The following TNFAIP8 variants were observed in gnomAD, a reference collection of about 807,000 sequenced individuals.
TNFAIP8 encodes tumor necrosis factor alpha-induced protein 8.
Under a neutral mutation model 13.3 loss-of-function variants are expected in TNFAIP8, and 7 were observed. The observed-to-expected ratio is 0.52, with a 90% CI of 0.30 to 0.99. The LOEUF is 0.99. Among genes scored for constraint, TNFAIP8 ranks in the 50% least tolerant of loss-of-function variants. TNFAIP8 has a pLI of 0.07. For missense variants in TNFAIP8, 258 were observed against 236.9 expected, an observed-to-expected ratio of 1.09 and a Z score of -0.58; for synonymous variants, 94 against 87.6, an observed-to-expected ratio of 1.07 and a Z score of -0.41.
chr5:119,392,620 G>A (rs1428157082), intron 1 of TNFAIP8, among the ~76,000 whole-genome samples, 196 bp from the exon 2 acceptor site: 1 of 152,068 alleles, frequency 6.6e-6, no homozygotes, highest in South Asian at 2.1e-4. Context: ...CCAAAGTGTT[G>A]GGATTACAGG....
chr5:119,326,068 C>A (rs996971438), intron 1 of TNFAIP8, among the ~76,000 whole-genome samples: 3 of 152,202 alleles, frequency 2.0e-5, no homozygotes, highest in Non-Finnish European at 4.4e-5. Context: ...ACAGGCAACC[C>A]CTTATGTTTC....
chr5:119,392,749 T>C, intron 1 of TNFAIP8, 67 bp from the exon 2 acceptor site: 1 of 1,452,940 alleles, frequency 6.9e-7, no homozygotes, highest in South Asian at 1.5e-5. Context: ...AATACCTGTT[T>C]TTAGTTCGCT....
intron 1 of TNFAIP8, chr5:119,316,198 C>T (rs368558368): frequency 6.4e-5 from 9 of 141,410 alleles, no homozygotes; most frequent in Admixed American, 6.0e-4. Flanking sequence ...CTTCCTGTGT[C>T]ACCCAGGCTG....
intron 1 of TNFAIP8, among the ~76,000 whole-genome samples, chr5:119,328,265 G>A (rs1432636353): frequency 2.6e-5 from 4 of 151,802 alleles, no homozygotes; most frequent in South Asian, 2.1e-4. Flanking sequence ...GAGACAACTC[G>A]GCCTCCCAAA....
chr5:119,391,547 G>C, intron 1 of TNFAIP8: 4 of 621,192 alleles, frequency 6.4e-6, no homozygotes, highest in Middle Eastern at 2.6e-4. Context: ...ATCACCTGAG[G>C]CCAGGAGTTC....
At chr5:119,271,687 G>T (rs1402434787) in intron 1 of TNFAIP8, among the ~76,000 whole-genome samples, 1 of 152,184 alleles carries the variant, frequency 6.6e-6, no homozygotes, top group Admixed American at 6.5e-5. Context: ...GGCCAATCTG[G>T]ATAACAAAGT....
intron 1 of TNFAIP8, among the ~76,000 whole-genome samples, chr5:119,328,450 G>A (rs995096355): frequency 1.4e-4 from 21 of 152,230 alleles, no homozygotes; most frequent in Non-Finnish European, 2.9e-4. Flanking sequence ...GCATTCTCTG[G>A]ATTGTTGTCT....
At chr5:119,311,853 G>A (rs1201038038) in intron 1 of TNFAIP8, among the ~76,000 whole-genome samples, 1 of 152,142 alleles carries the variant, frequency 6.6e-6, no homozygotes, top group Non-Finnish European at 1.5e-5. Flanking sequence ...TAGAGTTTGA[G>A]TGTTAAGCAG....
At chr5:119,299,549 G>A (rs1749292246) in intron 1 of TNFAIP8, among the ~76,000 whole-genome samples, 1 of 152,184 alleles carries the variant, frequency 6.6e-6, no homozygotes, top group Admixed American at 6.5e-5. Context: ...GGCTGCTTGG[G>A]GGTCAGGGGT....
chr5:119,331,949 G>A (rs1388067715), intron 1 of TNFAIP8, among the ~76,000 whole-genome samples: 1 of 152,194 alleles, frequency 6.6e-6, no homozygotes, highest in Non-Finnish European at 1.5e-5. Context: ...TGCACTTCCA[G>A]GAAGAGCTTT....
At chr5:119,298,453 G>T (rs1305309962) in intron 1 of TNFAIP8, among the ~76,000 whole-genome samples, 2 of 151,776 alleles carry the variant, frequency 1.3e-5, no homozygotes, top group African/African-American at 4.9e-5. Flanking sequence ...CTTCTGGCTT[G>T]TAGAGTTTCT....
intron 1 of TNFAIP8, among the ~76,000 whole-genome samples, chr5:119,377,566 T>C (rs1752331007): frequency 6.6e-6 from 1 of 152,140 alleles, no homozygotes; most frequent in Non-Finnish European, 1.5e-5. Context: ...TTGTCAAATT[T>C]ACCACCGCTC....
At chr5:119,384,318 C>T (rs1292332495) in intron 1 of TNFAIP8, among the ~76,000 whole-genome samples, 1 of 152,102 alleles carries the variant, frequency 6.6e-6, no homozygotes, top group Non-Finnish European at 1.5e-5. Context: ...AACCCCTTCT[C>T]TACTAAAAAT....
intron 1 of TNFAIP8, among the ~76,000 whole-genome samples, chr5:119,324,298 AAAAAAAAAAAAAAAAAG>A (rs1750149792): frequency 3.0e-5 from 3 of 101,030 alleles, no homozygotes; most frequent in African/African-American, 1.4e-4. Context: ...AAAAAAAAAA[AAAAAAAAAAAAAAAAAG>A]AAGAAGTTCC....
intron 1 of TNFAIP8, among the ~76,000 whole-genome samples, chr5:119,309,982 A>T (rs1308590731): frequency 6.6e-6 from 1 of 152,224 alleles, no homozygotes; most frequent in East Asian, 1.9e-4. Flanking sequence ...GTGGAGGGCC[A>T]ACTGGGATGA....
intron 1 of TNFAIP8, among the ~76,000 whole-genome samples, chr5:119,300,631 AG>A (rs1427930867): frequency 1.3e-5 from 2 of 152,164 alleles, no homozygotes; most frequent in African/African-American, 2.4e-5. Context: ...ATTCTTAAAA[AG>A]GTAGTTTTTT....
intron 1 of TNFAIP8, among the ~76,000 whole-genome samples, chr5:119,286,001 A>G (rs1748767532): frequency 6.6e-6 from 1 of 152,234 alleles, no homozygotes; most frequent in African/African-American, 2.4e-5. Context: ...TACTGTTAGT[A>G]GTAGAACTAT....
At chr5:119,333,152 C>A in intron 1 of TNFAIP8, 7 of 919,470 alleles carry the variant, frequency 7.6e-6, no homozygotes, top group Non-Finnish European at 7.7e-6. Flanking sequence ...CATGTTGAAA[C>A]GTTAGACTTC....
intron 1 of TNFAIP8, among the ~76,000 whole-genome samples, chr5:119,311,988 C>T (rs913394898): frequency 6.6e-6 from 1 of 151,922 alleles, no homozygotes; most frequent in Non-Finnish European, 1.5e-5. Context: ...TAGTGTGGAA[C>T]CATGACAGAA....
Sources: allele counts gnomAD v4.1 joint callset (sites outside exome capture counted in the v4.1 genomes callset), GRCh38; gene constraint gnomAD v4.1.1; transcripts MANE v1.5; gene names NCBI Gene and HGNC (gene_info 2026-07-23, HGNC 2026-07-21).